Variants in RABGAP1L observed in about 807,000 individuals in gnomAD.
RABGAP1L encodes the protein RAB GTPase activating protein 1 like, also known as rab GTPase-activating protein 1-like.
In RABGAP1L, 63 loss-of-function variants were observed where a neutral mutation model predicts 137.7. The ratio of observed to expected loss-of-function variants is 0.46; its 90% CI spans 0.37 to 0.56. RABGAP1L has a LOEUF of 0.56. RABGAP1L is among the 20% of genes least tolerant of loss of function. RABGAP1L has a pLI of 0.00. For synonymous variants in RABGAP1L, 431 were observed against 433.7 expected (o/e 0.99, Z 0.08); for missense variants, 1,095 against 1,244.0 (o/e 0.88, Z 1.80).
chr1:174,247,657 G>A (rs1313363006), intron 5 of RABGAP1L, among the ~76,000 whole-genome samples: 3 of 152,228 alleles, frequency 2.0e-5, no homozygotes, highest in African/African-American at 7.2e-5. Context: ...ATCCTTGCGT[G>A]TGGAGAGCAT....
chr1:174,662,802 C>T (rs541730108), intron 14 of RABGAP1L, among the ~76,000 whole-genome samples: 3 of 152,212 alleles, frequency 2.0e-5, no homozygotes, highest in Non-Finnish European at 2.9e-5. Context: ...TTGATGATTC[C>T]GACCCTGTAT....
At chr1:174,887,340 T>C (rs897112541) in intron 19 of RABGAP1L, among the ~76,000 whole-genome samples, 2 of 152,182 alleles carry the variant, frequency 1.3e-5, no homozygotes, top group African/African-American at 4.8e-5. Flanking sequence ...AGTACACTTA[T>C]ATAATATTCA....
intron 13 of RABGAP1L, among the ~76,000 whole-genome samples, chr1:174,602,142 A>G (rs1572467543): frequency 6.6e-6 from 1 of 152,100 alleles, no homozygotes; most frequent in Non-Finnish European, 1.5e-5. Context: ...CTTTTCGTCA[A>G]CGCCCCACTC....
chr1:174,620,360 C>G (rs1404227177), intron 13 of RABGAP1L, among the ~76,000 whole-genome samples: 2 of 152,142 alleles, frequency 1.3e-5, no homozygotes, highest in Non-Finnish European at 2.9e-5. Context: ...CACACCTAGT[C>G]CATAATTGAC....
intron 13 of RABGAP1L, among the ~76,000 whole-genome samples, chr1:174,402,648 T>C (rs1648741873): frequency 6.6e-6 from 1 of 152,180 alleles, no homozygotes; most frequent in Non-Finnish European, 1.5e-5. Context: ...TCCTATGTCC[T>C]TTATTGTTTA....
intron 13 of RABGAP1L, among the ~76,000 whole-genome samples, chr1:174,573,168 T>G (rs1668112622): frequency 6.6e-6 from 1 of 152,152 alleles, no homozygotes; most frequent in African/African-American, 2.4e-5. Context: ...AATCATTGGC[T>G]TTAGTGTGTA....
At chr1:174,815,860 G>A (rs1690340263) in intron 19 of RABGAP1L, among the ~76,000 whole-genome samples, 1 of 152,072 alleles carries the variant, frequency 6.6e-6, no homozygotes, top group Non-Finnish European at 1.5e-5. Context: ...AAAACATATT[G>A]ACCCATCAGG....
intron 1 of RABGAP1L, among the ~76,000 whole-genome samples, chr1:174,198,141 GATT>G (rs1478095306): frequency 6.6e-6 from 1 of 152,084 alleles, no homozygotes; most frequent in Admixed American, 6.5e-5. Context: ...AATATATAGT[GATT>G]ATTATAGTCT....
intron 13 of RABGAP1L, among the ~76,000 whole-genome samples, chr1:174,610,032 G>GTT (rs141094186): frequency 7.0e-6 from 1 of 142,690 alleles, no homozygotes; most frequent in African/African-American, 2.6e-5. Flanking sequence ...TTTGGTATGC[G>GTT]TTTTTTTTTT....
intron 19 of RABGAP1L, among the ~76,000 whole-genome samples, chr1:174,912,650 A>G (rs897925579): frequency 6.6e-6 from 1 of 152,258 alleles, no homozygotes; most frequent in Non-Finnish European, 1.5e-5. Flanking sequence ...GTTGAAAATA[A>G]CTGAATTCTG....
intron 13 of RABGAP1L, among the ~76,000 whole-genome samples, chr1:174,532,504 G>A (rs1664508998): frequency 6.6e-6 from 1 of 152,152 alleles, no homozygotes; most frequent in Admixed American, 6.5e-5. Context: ...ACTGCGCTCA[G>A]CCAGATGTTT....
chr1:174,957,991 T>C (rs2149343958), intron 20 of RABGAP1L: 2 of 1,562,736 alleles, frequency 1.3e-6, no homozygotes, highest in East Asian at 4.5e-5. Flanking sequence ...CTTTCTACTT[T>C]CAAAAATGAA....
intron 1 of RABGAP1L, among the ~76,000 whole-genome samples, chr1:174,197,884 A>G (rs988397439): frequency 6.6e-6 from 1 of 152,200 alleles, no homozygotes; most frequent in Non-Finnish European, 1.5e-5. Flanking sequence ...CATGAAGTGC[A>G]GAAAAACCCA....
intron 13 of RABGAP1L, among the ~76,000 whole-genome samples, chr1:174,550,935 CAT>C (rs1214806445): frequency 9.8e-5 from 8 of 81,772 alleles, no homozygotes; most frequent in South Asian, 3.4e-4. Context: ...TATATATACA[CAT>C]ATATATACAC....
chr1:174,806,816 C>T (rs918989595), intron 18 of RABGAP1L, among the ~76,000 whole-genome samples: 8 of 152,170 alleles, frequency 5.3e-5, no homozygotes, highest in African/African-American at 1.9e-4. Context: ...GACAAGGTCT[C>T]ACTCTGTCAC....
chr1:174,835,555 C>T (rs1203774927), intron 19 of RABGAP1L, among the ~76,000 whole-genome samples: 3 of 152,110 alleles, frequency 2.0e-5, no homozygotes, highest in African/African-American at 7.2e-5. Flanking sequence ...CGGAGAGAGA[C>T]GCTGTGGCAG....
intron 11 of RABGAP1L, chr1:174,367,670 T>A (rs1684768746): frequency 3.4e-5 from 8 of 238,222 alleles, no homozygotes; most frequent in Non-Finnish European, 5.8e-5. Context: ...GTGTTCTGTA[T>A]TCTTGTCACT....
intron 13 of RABGAP1L, among the ~76,000 whole-genome samples, chr1:174,432,413 G>A (rs1652745167): frequency 6.6e-6 from 1 of 152,138 alleles, no homozygotes; most frequent in South Asian, 2.1e-4. Context: ...TCTGGGAAAT[G>A]TAAGATCCAC....
intron 13 of RABGAP1L, among the ~76,000 whole-genome samples, chr1:174,423,009 AT>A (rs1464897465): frequency 1.3e-5 from 2 of 151,606 alleles, no homozygotes; most frequent in Admixed American, 6.6e-5. Context: ...GAATAGTGAC[AT>A]TTTTTAGCAC....
Sources: gnomAD v4.1 joint callset for allele counts (sites outside exome capture counted in the v4.1 genomes callset) on GRCh38, gnomAD v4.1.1 for gene constraint, MANE v1.5 for transcripts, NCBI Gene and HGNC (gene_info 2026-07-23, HGNC 2026-07-21) for gene names.